The following CUX1 variants were observed in gnomAD, a reference collection of about 807,000 sequenced individuals.
The protein encoded by CUX1 is protein CASP.
Under a neutral mutation model 158.8 loss-of-function variants are expected in CUX1, and 31 were observed. That is an observed-to-expected ratio of 0.20 (90% CI 0.15 to 0.26). The LOEUF is 0.26. Among genes scored for constraint, CUX1 ranks in the 10% least tolerant of loss-of-function variants. The pLI is 1.00. For missense variants in CUX1, 1,589 were observed against 2,014.6 expected, an observed-to-expected ratio of 0.79 and a Z score of 4.04; for synonymous variants, 879 against 862.1, an observed-to-expected ratio of 1.02 and a Z score of -0.34.
intron 1 of CUX1, 115 bp from the exon 2 acceptor site, chr7:101,916,000 T>G: frequency 1.4e-6 from 1 of 716,494 alleles, no homozygotes; most frequent in Non-Finnish European, 2.5e-6. Flanking sequence ...TGAGTTGATG[T>G]TCCTTAGAGC....
chr7:101,984,092 AT>A (rs56316525), intron 2 of CUX1, among the ~76,000 whole-genome samples: 461 of 19,516 alleles, frequency 0.024, 13 homozygotes, highest in Non-Finnish European at 0.036. Flanking sequence ...AAAAAAAAAT[AT>A]ATATATATAT....
intron 2 of CUX1, among the ~76,000 whole-genome samples, chr7:101,939,292 C>T (rs533390779): frequency 8.6e-5 from 13 of 151,654 alleles, no homozygotes; most frequent in African/African-American, 2.2e-4. Flanking sequence ...TTTCACTTAG[C>T]GCAGTGGATT....
intron 3 of CUX1, among the ~76,000 whole-genome samples, chr7:102,043,448 GT>G (rs536789245): frequency 1.5e-4 from 23 of 151,396 alleles, no homozygotes; most frequent in Non-Finnish European, 3.2e-4. Flanking sequence ...TCACCATGCT[GT>G]ACCTTGGAAA....
rs572339811 is a variant in CUX1, at chr7:101,984,578, G to A, written c.142-43520G>A. On this transcript the variant is annotated intron_variant, in intron 2 of 23. Transcript: ENST00000292535. ...GAGCTGTTGGGTGCAAGTCCTGCAG[G>A]ACTGAGCTCTGAAGGCCACCCACAC... Among the ~76,000 whole-genome samples the A allele has an allele frequency of 7.2e-5, 11 of 151,892 alleles. 1 individual carries two copies. The South Asian group carries it at 2.3e-3, about 32-fold the overall frequency.
Position 102,201,916 on chromosome 7 carries a change from C to A in CUX1, c.2619C>A (p.Pro873=). ...CCGAGCGCAGTCAGCTCCAGGGACC[C>A]TCGTCGTCAGAGTACTGGAAGGAGT... ...PRAERSQLQG[P]SSSEYWKEWP... Residue 873 remains proline, a synonymous_variant, in exon 18 of 24, where the codon CCC becomes CCA. Transcript: ENST00000292535. This position sits in a 1 kb window ranked among gnomAD's most constrained non-coding sequence, Gnocchi z 5.0. 1 of 1,614,030 alleles carries A rather than the reference C, an allele frequency of 6.2e-7. No individual in the cohort carries two copies. The highest frequency in any genetic ancestry group is 8.5e-7 in the Non-Finnish European group (1 of 1,180,018).
At chr7:102,047,582 A>G in intron 3 of CUX1, among the ~76,000 whole-genome samples, 1 of 131,574 alleles carries the variant, frequency 7.6e-6, no homozygotes, top group South Asian at 2.8e-4. Flanking sequence ...AGAGGTAGGG[A>G]GGGAGGGAGG....
chr7:102,281,998 C>A (rs782046176), intron 21 of CUX1: 2 of 1,029,606 alleles, frequency 1.9e-6, no homozygotes, highest in African/African-American at 1.6e-5. Context: ...GGGCCTGTTA[C>A]GGTGGCCTGG....
intron 15 of CUX1, 87 bp from the exon 16 acceptor site, chr7:102,198,715 G>A (rs957668373): frequency 1.1e-5 from 13 of 1,182,158 alleles, no homozygotes; most frequent in East Asian, 2.4e-5. Context: ...AGTGACAGGC[G>A]GCTCAGATTT....
At chr7:102,045,860 C>T (rs1585403762) in intron 3 of CUX1, among the ~76,000 whole-genome samples, 1 of 152,218 alleles carries the variant, frequency 6.6e-6, no homozygotes, top group East Asian at 1.9e-4. Flanking sequence ...CATTTGGCAT[C>T]TCCGCCAGGG....
intron 9 of CUX1, among the ~76,000 whole-genome samples, chr7:102,169,513 T>C (rs528258680): frequency 1.2e-4 from 18 of 152,356 alleles, no homozygotes; most frequent in Middle Eastern, 3.4e-3. Flanking sequence ...CAGTCCTAAG[T>C]ATTAAGCCGG....
chr7:102,210,551 G>A (rs1438622507), intron 20 of CUX1, among the ~76,000 whole-genome samples: 2 of 152,222 alleles, frequency 1.3e-5, no homozygotes, highest in Non-Finnish European at 2.9e-5. Context: ...TTTCATTGCT[G>A]TGGCTAACAA....
chr7:102,280,089 G>A (rs1454862497), exon 19 of CUX1: 25 of 1,610,452 alleles, frequency 1.6e-5, no homozygotes, highest in East Asian at 4.5e-5. Context: ...TACGAGGAGC[G>A]CCTGGACCCC....
chr7:102,111,263 C>T (rs1306482197), intron 6 of CUX1, among the ~76,000 whole-genome samples: 3 of 152,152 alleles, frequency 2.0e-5, no homozygotes, highest in Non-Finnish European at 2.9e-5. Context: ...ATAACAGAGA[C>T]GGAACAGCTG....
In CUX1 at chr7:102,201,911, G is replaced by A. The variant is rs782129856; in HGVS notation, c.2614G>A (p.Gly872Arg). ...QPRAERSQLQ[G>R]PSSSEYWKEW... The stretch of plus-strand genomic sequence containing the variant: ...TCGGGCCGAGCGCAGTCAGCTCCAG[G>A]GACCCTCGTCGTCAGAGTACTGGAA... The change falls in exon 18 of 24, where the codon GGA (glycine) becomes AGA (arginine). Residue 872 changes from glycine (G) to arginine (R), a missense_variant. Physicochemically the swap from Gly to Arg is moderately radical, Grantham distance 125. This residue lies in a region of CUX1 where 337 missense variants were observed against 409.3 expected (regional missense o/e 0.82). Coordinates refer to ENST00000292535, the MANE Select transcript of CUX1 (RefSeq NM_181552.4). The surrounding 1 kb of genome is among the most constrained non-coding windows in gnomAD (Gnocchi z 5.0). The A allele has an allele frequency of 3.7e-6, 6 of 1,613,888 alleles. No individual in the cohort carries two copies. In the Admixed American group the frequency reaches 6.7e-5, roughly 18 times the overall value.
In CUX1 at chr7:102,014,297, C is replaced by G. The variant is rs556717662; in HGVS notation, c.142-13801C>G. Reference sequence around the variant, plus strand: ...TCGGTATGGCCACCACTCACTCCCACAACACAGCCACCATTTCCCACCCAG... The same window carrying G: ...TCGGTATGGCCACCACTCACTCCCAGAACACAGCCACCATTTCCCACCCAG... On this transcript the variant is annotated intron_variant, in intron 2 of 23. Coordinates refer to ENST00000292535, the MANE Select transcript of CUX1 (RefSeq NM_181552.4). Among the ~76,000 whole-genome samples the G allele has an allele frequency of 1.5e-4, 23 of 152,320 alleles. No homozygotes were observed. The East Asian group carries it at 4.0e-3, about 27-fold the overall frequency.
intron 1 of CUX1, among the ~76,000 whole-genome samples, chr7:101,899,421 G>A (rs1311629807): frequency 1.3e-5 from 2 of 152,134 alleles, no homozygotes; most frequent in African/African-American, 4.8e-5. Context: ...GTGTGGTGGT[G>A]CACTCTTGTG....
intron 14 of CUX1, among the ~76,000 whole-genome samples, chr7:102,268,144 T>G (rs1265398256): frequency 6.6e-6 from 1 of 152,160 alleles, no homozygotes; most frequent in East Asian, 1.9e-4. Flanking sequence ...TTTCCCTGTC[T>G]TATGCTCACT....
At chr7:102,028,299 T>C (rs1820287425) in intron 3 of CUX1, among the ~76,000 whole-genome samples, 154 bp downstream of exon 3, 1 of 152,114 alleles carries the variant, frequency 6.6e-6, no homozygotes, top group Non-Finnish European at 1.5e-5. Flanking sequence ...TTGCGCTCTG[T>C]GATGTGATTT....
chr7:101,831,972 C>T (rs1794091688), intron 1 of CUX1, among the ~76,000 whole-genome samples: 1 of 151,958 alleles, frequency 6.6e-6, no homozygotes, highest in South Asian at 2.1e-4. Context: ...GTCTTGAACT[C>T]CTGGCCTCAG....
Sources: allele counts gnomAD v4.1 joint callset (sites outside exome capture counted in the v4.1 genomes callset), GRCh38; gene constraint gnomAD v4.1.1; regional missense constraint gnomAD v4.1.1; non-coding constraint Gnocchi (gnomAD v3.1); transcripts MANE v1.5; gene names NCBI Gene and HGNC (gene_info 2026-07-23, HGNC 2026-07-21).